The following ITGB4 variants were observed in gnomAD, a reference collection of about 807,000 sequenced individuals.
ITGB4 encodes the protein integrin beta-4.
In ITGB4, 159 loss-of-function variants were observed where a neutral mutation model predicts 207.6. The ratio of observed to expected loss-of-function variants is 0.77; its 90% CI spans 0.67 to 0.87. The LOEUF (loss-of-function observed/expected upper bound fraction) is 0.87. Among genes scored for constraint, ITGB4 ranks in the 40% least tolerant of loss-of-function variants. The pLI, the probability that ITGB4 is intolerant of heterozygous loss-of-function variation, is 0.00. For synonymous variants in ITGB4, 1,020 were observed against 1,062.7 expected, an observed-to-expected ratio of 0.96 and a Z score of 0.78; for missense variants, 2,278 against 2,546.8, an observed-to-expected ratio of 0.89 and a Z score of 2.27.
rs934221454 is a variant in ITGB4 at position 75,742,172 on chromosome 17, A to G, written c.2634-169A>G. Among the ~76,000 whole-genome samples the G allele has an allele frequency of 2.6e-5, 4 of 152,218 alleles. No homozygotes were observed. In the East Asian group the frequency reaches 7.7e-4, roughly 29 times the overall value. On this transcript the variant is annotated intron_variant, in intron 23 of 39. Coordinates refer to ENST00000200181, the MANE Select transcript of ITGB4 (RefSeq NM_000213.5). The surrounding 1 kb of genome is among the most constrained non-coding windows in gnomAD (Gnocchi z 5.9). ...CATGGCTGGGCTGAGGCTGCAGGGT[A>G]AAGGGTATGGGGCTGGCATAGGCCT...
At chr17:75,748,583 T>C (rs2061286632) in intron 26 of ITGB4, among the ~76,000 whole-genome samples, 1 of 151,136 alleles carries the variant, frequency 6.6e-6, no homozygotes, top group Non-Finnish European at 1.5e-5. Context: ...GGTGTGAGAA[T>C]CATTTGAACC....
At chr17:75,721,766 C>T (rs535686453) in intron 1 of ITGB4, among the ~76,000 whole-genome samples, 154 bp downstream of exon 1, 1 of 152,202 alleles carries the variant, frequency 6.6e-6, no homozygotes, top group African/African-American at 2.4e-5. Flanking sequence ...CGGGGTGCGC[C>T]GGGGGCAGCT....
In ITGB4 at chr17:75,731,156, A is replaced by G. The variant is rs1464745010; in HGVS notation, c.1093-90A>G. 2.5e-6 allele frequency: 4 copies of G among 1,604,348 alleles called. No individual in the cohort carries two copies. Among genetic ancestry groups the G allele is most frequent in the Non-Finnish European group, 3.4e-6 (4 of 1,174,702 alleles). On this transcript the variant is annotated intron_variant, in intron 9 of 39. Coordinates refer to ENST00000200181, the MANE Select transcript of ITGB4 (RefSeq NM_000213.5). This position sits in a 1 kb window ranked among gnomAD's most constrained non-coding sequence, Gnocchi z 6.8. The stretch of plus-strand genomic sequence containing the variant: ...GGCCCTGGCTCCTGCAGGCTCTGTG[A>G]TACCCCGCATGATGCCAGCCACACT...
In ITGB4 at chr17:75,731,373, G is replaced by A. The variant is rs767613447; in HGVS notation, c.1215+5G>A. On this transcript the variant is annotated splice_donor_5th_base_variant and intron_variant, in intron 10 of 39. Transcript: ENST00000200181. The surrounding 1 kb of genome is among the most constrained non-coding windows in gnomAD (Gnocchi z 6.8). ...CACATCCGGCGGGGGGAAGTGGTAC[G>A]CCTCTGTGGGGGCAGCGGGGTGGGG... is the stretch of plus-strand genomic sequence containing the variant. The A allele has an allele frequency of 2.8e-5, 45 of 1,609,556 alleles. No individual in the cohort carries two copies. The highest frequency in any genetic ancestry group is 1.7e-4 in the Middle Eastern group (1 of 5,978).
rs1357404840 is a variant in ITGB4, at chr17:75,737,561, T to G, written c.2137T>G (p.Trp713Gly). The change falls in exon 18 of 40, where the codon TGG becomes GGG. Residue 713 changes from tryptophan to glycine, a missense_variant. Trp to Gly is a radical substitution (Grantham distance 184, BLOSUM62 -2). Transcript: ENST00000200181. ...KKDCPPGSFWWLIPLLLLLLP... is the reference protein window; with the variant it reads ...KKDCPPGSFWGLIPLLLLLLP... ...AGACTGCCCTCCGGGCTCCTTCTGG[T>G]GGCTCATCCCCCTGCTCCTCCTCCT... is the stretch of plus-strand genomic sequence containing the variant. The G allele has an allele frequency of 6.3e-7, 1 of 1,591,856 alleles. No individual in the cohort carries two copies. Among genetic ancestry groups the G allele is most frequent in the Non-Finnish European group, 8.6e-7 (1 of 1,169,422 alleles).
intron 27 of ITGB4, 126 bp from the exon 28 acceptor site, chr17:75,749,985 C>T (rs896249390): frequency 2.4e-5 from 29 of 1,185,290 alleles, no homozygotes; most frequent in Middle Eastern, 2.0e-4. Context: ...TCTCCAGAGA[C>T]GCGGGTGGGC....
In ITGB4 at chr17:75,756,427, A is replaced by G. The variant is rs1282083861; in HGVS notation, c.4709-2A>G. The stretch of plus-strand genomic sequence containing the variant: ...CTGTGTGCCCCCACCTGATCCCCCC[A>G]GGTGAGCTGCATCGGCTCAACATCC... On this transcript the variant is annotated splice_acceptor_variant, in intron 35 of 39. Coordinates refer to ENST00000200181, the MANE Select transcript of ITGB4 (RefSeq NM_000213.5). LOFTEE classifies it high-confidence loss of function. 2 of 1,613,178 alleles carry G rather than the reference A, an allele frequency of 1.2e-6. No individual in the cohort carries two copies. Among genetic ancestry groups the G allele is most frequent in the Non-Finnish European group, 1.7e-6 (2 of 1,179,962 alleles).
At chr17:75,756,646 GC>G (rs1568387433) in intron 36 of ITGB4, 29 bp downstream of exon 36, 1 of 1,612,606 alleles carries the variant, frequency 6.2e-7, no homozygotes, top group South Asian at 1.1e-5. Context: ...CCCCAGAGCT[GC>G]CCCCATCATG....
rs769442900 is a variant in ITGB4 at position 75,740,828 on chromosome 17, C to T, written c.2586C>T (p.His862=). The T allele has an allele frequency of 6.2e-7, 1 of 1,613,694 alleles. No individual in the cohort carries two copies. Among genetic ancestry groups the T allele is most frequent in the East Asian group, 2.2e-5 (1 of 44,882 alleles). The part of the protein sequence containing the change: ...NEVYRQISGV[H]KLQQTKFRQQ... ...TCTACAGGCAGATCTCCGGTGTACA[C>T]AAGCTCCAGCAGACCAAGTTCCGGT... Residue 862 remains histidine, a synonymous_variant, in exon 22 of 40, where the codon CAC becomes CAT. Transcript: ENST00000200181. The surrounding 1 kb of genome is among the most constrained non-coding windows in gnomAD (Gnocchi z 5.9).
Position 75,752,432 on chromosome 17 carries a change from C to G in ITGB4, c.3977-14C>G. 6.2e-7 allele frequency: 1 copy of G among 1,613,146 alleles called. No homozygotes were observed. The highest frequency in any genetic ancestry group is 8.5e-7 in the Non-Finnish European group (1 of 1,179,900). On this transcript the variant is annotated splice_polypyrimidine_tract_variant and intron_variant, in intron 31 of 39. Coordinates refer to ENST00000200181, the MANE Select transcript of ITGB4 (RefSeq NM_000213.5). ...GCAGCAGCCAGGGCCCTGGCTCACT[C>G]CCCTGCCCTGCAGTCCCCATCATCC...
intron 8 of ITGB4, 88 bp from the exon 9 acceptor site, chr17:75,730,787 G>T (rs2060839043): frequency 7.7e-7 from 1 of 1,300,704 alleles, no homozygotes. Context: ...CCAGGCCTCA[G>T]TTTCCCCATC....
At chr17:75,752,077 C>T (rs946718575) in intron 30 of ITGB4, 97 bp from the exon 31 acceptor site, 13 of 1,316,054 alleles carry the variant, frequency 9.9e-6, no homozygotes, top group Admixed American at 3.4e-5. Context: ...CCCCTGGGTG[C>T]CATCCAGGGG....
In ITGB4 at chr17:75,739,187, AG is replaced by A. The variant is rs2061049634; in HGVS notation, c.2221-479del. Among the ~76,000 whole-genome samples the A allele has an allele frequency of 6.6e-6, 1 of 150,940 alleles. No homozygotes were observed. Among genetic ancestry groups the A allele is most frequent in the African/African-American group, 2.4e-5 (1 of 41,004 alleles). ...GTGGATGCCTATAATCCCAGTTACT[AG>A]GGGGGCTGAGGCAGGAGAATTGCTT... On this transcript the variant is annotated intron_variant, in intron 18 of 39. Coordinates refer to ENST00000200181, the MANE Select transcript of ITGB4 (RefSeq NM_000213.5). The surrounding 1 kb of genome is among the most constrained non-coding windows in gnomAD (Gnocchi z 5.4).
intron 18 of ITGB4, 145 bp downstream of exon 18, chr17:75,737,789 C>A: frequency 1.4e-6 from 1 of 730,554 alleles, no homozygotes; most frequent in Non-Finnish European, 2.4e-6. Context: ...CCCACCTCCC[C>A]AGGGTCCCCA....
At chr17:75,738,544 C>A (rs1378701842) in intron 18 of ITGB4, among the ~76,000 whole-genome samples, 1 of 152,214 alleles carries the variant, frequency 6.6e-6, no homozygotes, top group African/African-American at 2.4e-5. Flanking sequence ...AGCTCTAGTG[C>A]CCGCCCAGGA....
chr17:75,738,207 G>A (rs1264598627), intron 18 of ITGB4, among the ~76,000 whole-genome samples: 2 of 131,360 alleles, frequency 1.5e-5, no homozygotes, highest in African/African-American at 5.9e-5. Context: ...CCCCCACCTT[G>A]GCAAGACCCA....
Position 75,755,865 on chromosome 17 carries a change from C to T in ITGB4, c.4708+15C>T. On this transcript the variant is annotated intron_variant, in intron 35 of 39. Transcript: ENST00000200181. ...GCTGAACGGCGGTGAGGCATGGTGG[C>T]TGCCAGGCTGCGGGGTGCAGCCCTG... 1 of 1,598,880 alleles carries T rather than the reference C, an allele frequency of 6.3e-7. No individual in the cohort carries two copies. Among genetic ancestry groups the T allele is most frequent in the Non-Finnish European group, 8.5e-7 (1 of 1,179,052 alleles).
In ITGB4 at chr17:75,739,619, C is replaced by G; in HGVS notation, c.2221-53C>G. ...GGGGCGGGGTGGCTGGAAGGGCTTA[C>G]CTGGGCCAGGGCAGCTGTCTCAGGC... is the stretch of plus-strand genomic sequence containing the variant. On this transcript the variant is annotated intron_variant, in intron 18 of 39. Coordinates refer to ENST00000200181, the MANE Select transcript of ITGB4 (RefSeq NM_000213.5). This position sits in a 1 kb window ranked among gnomAD's most constrained non-coding sequence, Gnocchi z 5.4. The G allele has an allele frequency of 6.2e-7, 1 of 1,611,006 alleles. No homozygotes were observed. The highest frequency in any genetic ancestry group is 2.2e-5 in the East Asian group (1 of 44,870).
chr17:75,729,199 CA>C lies in ITGB4; in HGVS notation c.567-65del. ...AATTCTCCTTCTAGTTGAAACGAGCCAGGGGCACTGGGGTCTGCGGCGTCTT... is the reference window on the plus strand; with the variant it reads ...AATTCTCCTTCTAGTTGAAACGAGCCGGGGCACTGGGGTCTGCGGCGTCTT... On this transcript the variant is annotated intron_variant, in intron 6 of 39. Coordinates refer to ENST00000200181, the MANE Select transcript of ITGB4 (RefSeq NM_000213.5). The surrounding 1 kb of genome is among the most constrained non-coding windows in gnomAD (Gnocchi z 4.4). 2.7e-6 allele frequency: 4 copies of C among 1,491,016 alleles called. No individual in the cohort carries two copies. Among genetic ancestry groups the C allele is most frequent in the African/African-American group, 1.4e-5 (1 of 71,202 alleles). The allele number at this position is 1,491,016 out of a possible 1,614,324, so 92.4% of individuals were successfully genotyped here.
Sources: allele counts gnomAD v4.1 joint callset (sites outside exome capture counted in the v4.1 genomes callset), GRCh38; gene constraint gnomAD v4.1.1; non-coding constraint Gnocchi (gnomAD v3.1); transcripts MANE v1.5; gene names NCBI Gene and HGNC (gene_info 2026-07-23, HGNC 2026-07-21).